Variants in NLGN1 observed in about 807,000 individuals in gnomAD.
NLGN1 encodes neuroligin 1, also known as neuroligin-1.
In NLGN1, 12 loss-of-function variants were observed where a neutral mutation model predicts 65.5. The ratio of observed to expected loss-of-function variants is 0.18; its 90% CI spans 0.12 to 0.30. The LOEUF is 0.30. NLGN1 is among the 10% of genes least tolerant of loss of function. The probability of loss-of-function intolerance (pLI) is 1.00; values close to 1 mark genes in which losing one functional copy is unlikely to be tolerated. For synonymous variants in NLGN1, 350 were observed against 359.5 expected (o/e 0.97, Z 0.30); for missense variants, 750 against 1,007.1 (o/e 0.74, Z 3.46).
chr3:174,142,894 A>G (rs1722561890), intron 4 of NLGN1, among the ~76,000 whole-genome samples: 1 of 152,184 alleles, frequency 6.6e-6, no homozygotes, highest in South Asian at 2.1e-4. Context: ...TGCAGGCTGT[A>G]CAGGAGGCAT....
chr3:174,258,890 A>AG (rs1167033681), intron 4 of NLGN1, among the ~76,000 whole-genome samples: 2 of 152,052 alleles, frequency 1.3e-5, no homozygotes, highest in Non-Finnish European at 2.9e-5. Flanking sequence ...AGGGTGGAAG[A>AG]GGGGAGAGTA....
At chr3:173,889,734 T>C (rs1337045470) in intron 4 of NLGN1, among the ~76,000 whole-genome samples, 1 of 152,088 alleles carries the variant, frequency 6.6e-6, no homozygotes, top group Non-Finnish European at 1.5e-5. Context: ...CCAACAGCAG[T>C]AATAAGGACT....
chr3:174,094,320 A>G (rs1371260669), intron 4 of NLGN1, among the ~76,000 whole-genome samples: 1 of 152,210 alleles, frequency 6.6e-6, no homozygotes, highest in Non-Finnish European at 1.5e-5. Flanking sequence ...TTATATTTTA[A>G]ATACTCATTA....
At chr3:173,505,386 C>T (rs548407091) in intron 2 of NLGN1, among the ~76,000 whole-genome samples, 3 of 152,088 alleles carry the variant, frequency 2.0e-5, no homozygotes, top group Non-Finnish European at 4.4e-5. Context: ...GAACATAGAT[C>T]TACATCATGC....
chr3:174,191,002 C>G (rs922075237), intron 4 of NLGN1, among the ~76,000 whole-genome samples: 4 of 150,512 alleles, frequency 2.7e-5, no homozygotes, highest in African/African-American at 9.8e-5. Context: ...GTAGTGTGTG[C>G]GTGTGTGTGT....
At chr3:173,466,322 A>G (rs540333182) in intron 2 of NLGN1, among the ~76,000 whole-genome samples, 10 of 152,320 alleles carry the variant, frequency 6.6e-5, no homozygotes, top group South Asian at 6.2e-4. Flanking sequence ...TGTGTTATAT[A>G]CAGTGCTGTG....
exon 7 of NLGN1, chr3:174,283,543 ATAAAG>A (rs1331188392): frequency 1.3e-5 from 2 of 151,502 alleles, no homozygotes; most frequent in South Asian, 4.1e-4. Flanking sequence ...TTAAACTACC[ATAAAG>A]TAATGAATAG....
chr3:173,724,015 G>C (rs1771331678), intron 3 of NLGN1, among the ~76,000 whole-genome samples: 1 of 152,170 alleles, frequency 6.6e-6, no homozygotes, highest in African/African-American at 2.4e-5. Context: ...TTTTTAGCTT[G>C]AGATTGGGAA....
intron 4 of NLGN1, among the ~76,000 whole-genome samples, chr3:174,076,720 AGAGAGTGT>A (rs753173408): frequency 7.5e-3 from 853 of 114,156 alleles, no homozygotes; most frequent in East Asian, 0.022. Flanking sequence ...AGAGAGAGAG[AGAGAGTGT>A]GTGTGTGTGT....
At chr3:174,033,456 G>A (rs6445134) in intron 4 of NLGN1, among the ~76,000 whole-genome samples, 40,491 of 151,824 alleles carry the variant, frequency 0.27, 6,438 homozygotes, top group African/African-American at 0.44. Context: ...AAGAAAAGAG[G>A]TAAAGCAATC....
chr3:174,194,380 C>T (rs1480645980), intron 4 of NLGN1, among the ~76,000 whole-genome samples: 4 of 150,748 alleles, frequency 2.7e-5, no homozygotes, highest in Non-Finnish European at 4.4e-5. Context: ...ACCTGGGAGG[C>T]GGAGGTTTCA....
intron 3 of NLGN1, among the ~76,000 whole-genome samples, chr3:173,742,228 A>C (rs925414987): frequency 1.3e-5 from 2 of 152,090 alleles, no homozygotes; most frequent in Non-Finnish European, 2.9e-5. Context: ...ACTAAAACTC[A>C]TGGAATTATC....
At chr3:173,448,468 A>C (rs1560268170) in intron 2 of NLGN1, among the ~76,000 whole-genome samples, 1 of 152,288 alleles carries the variant, frequency 6.6e-6, no homozygotes, top group East Asian at 1.9e-4. Flanking sequence ...GTTTGCCAGT[A>C]TTTTATTGAG....
At chr3:174,245,225 T>A (rs1021625641) in intron 4 of NLGN1, among the ~76,000 whole-genome samples, 3 of 152,278 alleles carry the variant, frequency 2.0e-5, no homozygotes, top group Admixed American at 6.5e-5. Flanking sequence ...ATATTTTTTT[T>A]AAAAGTGGCA....
At chr3:173,597,758 A>C (rs145121998) in intron 2 of NLGN1, among the ~76,000 whole-genome samples, 113 of 151,068 alleles carry the variant, frequency 7.5e-4, no homozygotes, top group African/African-American at 2.6e-3. Flanking sequence ...AATAGACACT[A>C]AGAAAATGAG....
intron 3 of NLGN1, among the ~76,000 whole-genome samples, chr3:173,797,000 A>G (rs1714235799): frequency 5.3e-5 from 8 of 152,202 alleles, no homozygotes; most frequent in Admixed American, 5.2e-4. Flanking sequence ...AGTTTAGAAC[A>G]AAGGGAAAGT....
At chr3:173,978,811 C>T (rs1718102343) in intron 4 of NLGN1, among the ~76,000 whole-genome samples, 1 of 125,814 alleles carries the variant, frequency 7.9e-6, no homozygotes, top group South Asian at 2.6e-4. Context: ...GCCTGGCTAA[C>T]ATGGTGAAAC....
At chr3:173,958,185 G>C (rs974655362) in intron 4 of NLGN1, among the ~76,000 whole-genome samples, 3 of 152,230 alleles carry the variant, frequency 2.0e-5, no homozygotes, top group African/African-American at 7.2e-5. Flanking sequence ...AACATAGCGA[G>C]CAAGGGGCAT....
intron 4 of NLGN1, among the ~76,000 whole-genome samples, chr3:174,218,415 T>C (rs1738041533): frequency 6.6e-6 from 1 of 152,086 alleles, no homozygotes; most frequent in Non-Finnish European, 1.5e-5. Context: ...ATACCTTACT[T>C]CATTCAGTCA....
Sources: gnomAD v4.1 joint callset for allele counts (sites outside exome capture counted in the v4.1 genomes callset) on GRCh38, gnomAD v4.1.1 for gene constraint, MANE v1.5 for transcripts, NCBI Gene and HGNC (gene_info 2026-07-23, HGNC 2026-07-21) for gene names.